Variants in CAMTA1 observed in about 807,000 individuals in gnomAD.
CAMTA1 encodes the protein calmodulin binding transcription activator 1, also known as calmodulin-binding transcription activator 1.
Under a neutral mutation model 170.9 loss-of-function variants are expected in CAMTA1, and 27 were observed. That is an observed-to-expected ratio of 0.16 (90% CI 0.12 to 0.22). CAMTA1 has a LOEUF of 0.22. CAMTA1 is among the 10% of genes least tolerant of loss of function. The pLI is 1.00. For missense variants in CAMTA1, 1,619 were observed against 2,217.2 expected (o/e 0.73, Z 5.42); for synonymous variants, 833 against 891.5 (o/e 0.93, Z 1.17).
rs1182723447 is a variant in CAMTA1, at chr1:7,063,164, G to A, written c.235-28140G>A. 6.6e-6 allele frequency among the ~76,000 whole-genome samples: 1 copy of A among 152,186 alleles called. No individual in the cohort carries two copies. Among genetic ancestry groups the A allele is most frequent in the Non-Finnish European group, 1.5e-5 (1 of 68,044 alleles). On this transcript the variant is annotated intron_variant, in intron 3 of 22. Transcript: ENST00000303635. The surrounding 1 kb of genome is among the most constrained non-coding windows in gnomAD (Gnocchi z 4.3). The stretch of plus-strand genomic sequence containing the variant: ...TCACCATTGTGTTCCCAGCATCTCT[G>A]GCAGGATGCTGATCGGATAACCAGT...
intron 6 of CAMTA1, among the ~76,000 whole-genome samples, chr1:7,492,954 GACTT>G (rs1355275930): frequency 3.1e-4 from 30 of 97,024 alleles, no homozygotes; most frequent in African/African-American, 1.1e-3. Context: ...CATAAACACA[GACTT>G]ACATACACAT....
At chr1:7,537,069 C>G (rs891480543) in intron 6 of CAMTA1, among the ~76,000 whole-genome samples, 1 of 152,202 alleles carries the variant, frequency 6.6e-6, no homozygotes, top group Admixed American at 6.5e-5. Flanking sequence ...TCTGAGCAGG[C>G]AGCAGGTGAC....
intron 21 of CAMTA1, among the ~76,000 whole-genome samples, chr1:7,752,826 G>T (rs191274692): frequency 1.3e-5 from 2 of 152,276 alleles, no homozygotes; most frequent in East Asian, 3.9e-4. Context: ...TTAATTCTAA[G>T]TTTCTCTTTA....
chr1:7,334,348 G>A lies in CAMTA1; in HGVS notation c.438+84722G>A, dbSNP rs533230748. Among the ~76,000 whole-genome samples, 1,048 of 152,306 alleles carry A rather than the reference G, an allele frequency of 6.9e-3. 3 individuals carry two copies. Among genetic ancestry groups the A allele is most frequent in the Non-Finnish European group, 0.012 (797 of 68,030 alleles). On this transcript the variant is annotated intron_variant, in intron 5 of 22. Coordinates refer to ENST00000303635, the MANE Select transcript of CAMTA1 (RefSeq NM_015215.4). ...TCTCCATTCCTTGGCAACATTTTCG[G>A]GACAGTTTTGGTTTCTGTGGCTGCG...
At chr1:7,155,525 T>A (rs1371931480) in intron 4 of CAMTA1, among the ~76,000 whole-genome samples, 2 of 151,372 alleles carry the variant, frequency 1.3e-5, no homozygotes, top group Non-Finnish European at 2.9e-5. Flanking sequence ...TTTTTTTTTT[T>A]TTTTCCAAGA....
intron 16 of CAMTA1, among the ~76,000 whole-genome samples, chr1:7,739,408 A>G (rs2096794254): frequency 1.3e-5 from 2 of 152,174 alleles, no homozygotes; most frequent in African/African-American, 2.4e-5. Context: ...AGGATGAGAA[A>G]GAAGCTTGCA....
intron 4 of CAMTA1, among the ~76,000 whole-genome samples, chr1:7,139,185 G>C (rs1458576389): frequency 9.7e-6 from 1 of 103,320 alleles, no homozygotes; most frequent in Non-Finnish European, 2.2e-5. Context: ...AAAATATTTA[G>C]AAAATTATAT....
chr1:7,701,686 A>G lies in CAMTA1; in HGVS notation c.2914+23953A>G, dbSNP rs116203007. ...CCTCCTGCCTCAGCCTCCTAAAAGTACTGGGATTACAGGTGTGAGCCACCG... is the reference window on the plus strand; with the variant it reads ...CCTCCTGCCTCAGCCTCCTAAAAGTGCTGGGATTACAGGTGTGAGCCACCG... On this transcript the variant is annotated intron_variant, in intron 11 of 22. Transcript: ENST00000303635. Among the ~76,000 whole-genome samples the G allele has an allele frequency of 5.2e-3, 785 of 152,120 alleles. 7 individuals carry two copies. The highest frequency in any genetic ancestry group is 0.018 in the African/African-American group (749 of 41,490).
At chr1:7,018,044 C>G (rs1413580439) in intron 3 of CAMTA1, among the ~76,000 whole-genome samples, 1 of 151,834 alleles carries the variant, frequency 6.6e-6, no homozygotes, top group East Asian at 1.9e-4. Context: ...CTCGCTGCAG[C>G]CTTGACCTCC....
At position 7,093,242 on chromosome 1, in the gene CAMTA1, G is replaced by A. The variant is rs1641691908; in HGVS notation, c.302+1871G>A. Among the ~76,000 whole-genome samples, 1 of 152,152 alleles carries A rather than the reference G, an allele frequency of 6.6e-6. No homozygotes were observed. Among genetic ancestry groups the A allele is most frequent in the African/African-American group, 2.4e-5 (1 of 41,430 alleles). ...TTCTGATTCAGCAGGTGCGGTGCAGGGGGCCTGAACATGTGTTATTTCTAA... is the reference window on the plus strand; with the variant it reads ...TTCTGATTCAGCAGGTGCGGTGCAGAGGGCCTGAACATGTGTTATTTCTAA... On this transcript the variant is annotated intron_variant, in intron 4 of 22. Coordinates refer to ENST00000303635, the MANE Select transcript of CAMTA1 (RefSeq NM_015215.4). The surrounding 1 kb of genome is among the most constrained non-coding windows in gnomAD (Gnocchi z 4.6).
chr1:6,821,173 TGTTA>T (rs1381309166), intron 2 of CAMTA1, among the ~76,000 whole-genome samples: 1 of 152,218 alleles, frequency 6.6e-6, no homozygotes, highest in Non-Finnish European at 1.5e-5. Flanking sequence ...CTTAAAAAGC[TGTTA>T]GTTTCTGTTT....
intron 2 of CAMTA1, among the ~76,000 whole-genome samples, chr1:6,824,641 T>C (rs1391041335): frequency 2.6e-5 from 4 of 152,194 alleles, no homozygotes; most frequent in Non-Finnish European, 5.9e-5. Context: ...TTTTATAGTC[T>C]AGGGGATGAA....
intron 5 of CAMTA1, among the ~76,000 whole-genome samples, chr1:7,306,170 GT>G (rs1675566602): frequency 2.0e-5 from 3 of 151,788 alleles, no homozygotes; most frequent in Admixed American, 6.6e-5. Flanking sequence ...TCTGTTTTTG[GT>G]TTTATGTCTA....
At chr1:7,005,218 C>T (rs1276639972) in intron 3 of CAMTA1, among the ~76,000 whole-genome samples, 3 of 152,162 alleles carry the variant, frequency 2.0e-5, no homozygotes, top group Non-Finnish European at 4.4e-5. Context: ...TCTTAGCCAC[C>T]CACCTTGGAA....
chr1:6,939,823 G>C (rs1440570056), intron 3 of CAMTA1, among the ~76,000 whole-genome samples: 1 of 152,238 alleles, frequency 6.6e-6, no homozygotes, highest in African/African-American at 2.4e-5. Context: ...CCTAGCATCT[G>C]TCTCCCTGCT....
chr1:7,406,882 C>T (rs897951796), intron 5 of CAMTA1, among the ~76,000 whole-genome samples: 27 of 152,256 alleles, frequency 1.8e-4, no homozygotes, highest in African/African-American at 6.3e-4. Flanking sequence ...AGTTTTCTTT[C>T]TGAGTGATAT....
At chr1:7,310,683 TCTCTC>T in intron 5 of CAMTA1, among the ~76,000 whole-genome samples, 1 of 41,096 alleles carries the variant, frequency 2.4e-5, no homozygotes, top group African/African-American at 1.5e-4. Flanking sequence ...TTTCTTTCTC[TCTCTC>T]TCTCTCTCTC....
At chr1:7,593,519 C>A (rs1162497268) in intron 6 of CAMTA1, among the ~76,000 whole-genome samples, 1 of 147,428 alleles carries the variant, frequency 6.8e-6, no homozygotes, top group Non-Finnish European at 1.5e-5. Flanking sequence ...AGACAGAGTC[C>A]CACTCTGTCA....
chr1:7,635,844 A>T lies in CAMTA1; in HGVS notation c.511-4556A>T, dbSNP rs1419143998. The stretch of plus-strand genomic sequence containing the variant: ...TATTTTTCTGCCAAAAACACCCAAT[A>T]AAATGTACAACTAATGAATAAAATT... On this transcript the variant is annotated intron_variant, in intron 6 of 22. Transcript: ENST00000303635. The surrounding 1 kb of genome is among the most constrained non-coding windows in gnomAD (Gnocchi z 4.4). Among the ~76,000 whole-genome samples the T allele has an allele frequency of 6.6e-6, 1 of 152,238 alleles. No homozygotes were observed. The highest frequency in any genetic ancestry group is 1.5e-5 in the Non-Finnish European group (1 of 68,044).
Sources: gnomAD v4.1 joint callset for allele counts (sites outside exome capture counted in the v4.1 genomes callset) on GRCh38, gnomAD v4.1.1 for gene constraint, Gnocchi (gnomAD v3.1) non-coding constraint, MANE v1.5 for transcripts, NCBI Gene and HGNC (gene_info 2026-07-23, HGNC 2026-07-21) for gene names.